Variants in SPARCL1 observed in about 807,000 individuals in gnomAD.
SPARCL1 encodes SPARC like 1, also known as SPARC-like protein 1.
Under a neutral mutation model 67.1 loss-of-function variants are expected in SPARCL1, and 52 were observed. The observed-to-expected ratio is 0.78, with a 90% confidence interval of 0.62 to 0.98. SPARCL1 has a LOEUF of 0.98. Among genes scored for constraint, SPARCL1 ranks in the 50% least tolerant of loss-of-function variants. The pLI is 0.00. For synonymous variants in SPARCL1, 226 were observed against 267.8 expected (o/e 0.84, Z 1.52); for missense variants, 717 against 782.4 (o/e 0.92, Z 1.00).
chr4:87,524,410 T>C (rs566794538), intron 1 of SPARCL1, among the ~76,000 whole-genome samples: 5 of 152,318 alleles, frequency 3.3e-5, no homozygotes, highest in Non-Finnish European at 5.9e-5. Flanking sequence ...TTGAAAAACA[T>C]AGAAGTTGAC....
chr4:87,495,097 TG>T lies in SPARCL1; in HGVS notation c.84del (p.Lys29AsnfsTer7). On this transcript the variant is annotated frameshift_variant, in exon 3 of 11. Coordinates refer to ENST00000282470, the MANE Select transcript of SPARCL1 (RefSeq NM_004684.6). LOFTEE classifies it high-confidence loss of function. ...PTNARLLSDH[S>X]KPTAETVAPD... ...GGTGCTACCGTTTCAGCAGTTGGTT[TG>T]GAATGATCAGATAATAATCTTGCAT... 1 of 1,611,118 alleles carries T rather than the reference TG, an allele frequency of 6.2e-7. No homozygotes were observed. The highest frequency in any genetic ancestry group is 2.2e-5 in the East Asian group (1 of 44,812).
chr4:87,477,743 C>G (rs1206849170), intron 10 of SPARCL1, among the ~76,000 whole-genome samples: 1 of 152,104 alleles, frequency 6.6e-6, no homozygotes, highest in Non-Finnish European at 1.5e-5. Context: ...ACCCCTTGAC[C>G]ACAACCTAAT....
At chr4:87,525,532 G>C (rs2110271182) in intron 1 of SPARCL1, among the ~76,000 whole-genome samples, 2 of 152,306 alleles carry the variant, frequency 1.3e-5, no homozygotes, top group South Asian at 4.1e-4. Context: ...AGGGTTTGCT[G>C]CAGTATGTGT....
At chr4:87,490,488 T>G in intron 6 of SPARCL1, 95 bp from the exon 7 acceptor site, 1 of 1,379,268 alleles carries the variant, frequency 7.3e-7, no homozygotes, top group South Asian at 1.4e-5. Context: ...AACAGCGCTG[T>G]GCCAAAGATG....
chr4:87,496,292 G>A (rs371460341), intron 2 of SPARCL1, among the ~76,000 whole-genome samples: 8 of 151,788 alleles, frequency 5.3e-5, no homozygotes, highest in African/African-American at 1.7e-4. Context: ...ATGAAGTCTC[G>A]GCTCACTGCA....
chr4:87,503,222 A>T (rs1234128516), intron 1 of SPARCL1, among the ~76,000 whole-genome samples: 1 of 152,006 alleles, frequency 6.6e-6, no homozygotes, highest in African/African-American at 2.4e-5. Flanking sequence ...TTCAACCAAT[A>T]CTCCAGATTT....
At chr4:87,506,338 C>T (rs1238174866) in intron 1 of SPARCL1, among the ~76,000 whole-genome samples, 1 of 152,158 alleles carries the variant, frequency 6.6e-6, no homozygotes, top group Non-Finnish European at 1.5e-5. Flanking sequence ...CTTGACTAGA[C>T]CATGGGATGC....
intron 7 of SPARCL1, among the ~76,000 whole-genome samples, chr4:87,485,668 G>A (rs1430110379): frequency 6.6e-6 from 1 of 152,080 alleles, no homozygotes; most frequent in Non-Finnish European, 1.5e-5. Flanking sequence ...ACCTCTGGTA[G>A]AATTCAGCTG....
intron 1 of SPARCL1, among the ~76,000 whole-genome samples, chr4:87,519,946 G>C (rs534872432): frequency 6.6e-6 from 1 of 152,126 alleles, no homozygotes; most frequent in African/African-American, 2.4e-5. Flanking sequence ...TATCACAAAG[G>C]TAGCAGAAAC....
chr4:87,521,380 G>A (rs574779825), intron 1 of SPARCL1, among the ~76,000 whole-genome samples: 26 of 152,148 alleles, frequency 1.7e-4, no homozygotes, highest in Non-Finnish European at 2.9e-4. Flanking sequence ...GACTGTAAAC[G>A]CAGTCATCCA....
At chr4:87,522,209 A>G (rs1317017151) in intron 1 of SPARCL1, among the ~76,000 whole-genome samples, 4 of 152,104 alleles carry the variant, frequency 2.6e-5, no homozygotes, top group Non-Finnish European at 5.9e-5. Flanking sequence ...CTGAGTCACC[A>G]TCTGACATCA....
Position 87,479,488 on chromosome 4 carries a change from G to T in SPARCL1, c.1908C>A (p.Pro636=), listed in dbSNP as rs752302174. 11 of 1,613,940 alleles carry T rather than the reference G, an allele frequency of 6.8e-6. No individual in the cohort carries two copies. The highest frequency in any genetic ancestry group is 9.3e-6 in the Non-Finnish European group (11 of 1,180,006). ...TCAGGGTGATGTGCTTATCCTTGTT[G>T]GGGTCACACTCCTCAAAGAAACGGG... ...CITRFFEECD[P]NKDKHITLKE... is the part of the protein sequence containing the mutation. The change falls in exon 10 of 11, where the codon CCC becomes CCA. Residue 636 remains proline, a synonymous_variant. Transcript: ENST00000282470.
chr4:87,490,172 A>T, intron 7 of SPARCL1, 101 bp downstream of exon 7: 2 of 1,282,316 alleles, frequency 1.6e-6, no homozygotes, highest in Non-Finnish European at 2.1e-6. Flanking sequence ...GTTCAGAACT[A>T]CATCAGCTTT....
intron 4 of SPARCL1, among the ~76,000 whole-genome samples, chr4:87,492,417 C>CAA (rs1217416962): frequency 1.1e-4 from 8 of 75,232 alleles, no homozygotes; most frequent in Non-Finnish European, 1.7e-4. Flanking sequence ...GACTCCGTCT[C>CAA]AAAAAAAAAA....
chr4:87,515,634 CA>C (rs1235251326), intron 1 of SPARCL1, among the ~76,000 whole-genome samples: 2 of 152,148 alleles, frequency 1.3e-5, no homozygotes, highest in Non-Finnish European at 2.9e-5. Flanking sequence ...ACCAAACTTT[CA>C]GGAGAACCTC....
chr4:87,529,132 A>C lies in SPARCL1; in HGVS notation c.-99T>G, dbSNP rs1726170131. 6.6e-6 allele frequency: 1 copy of C among 152,194 alleles called. No homozygotes were observed. The highest frequency in any genetic ancestry group is 1.5e-5 in the Non-Finnish European group (1 of 68,032). 9.4% of individuals were successfully genotyped at this position (152,194 alleles called of 1,614,324 possible). A position where few individuals can be genotyped will look rare whatever the true frequency, so the allele number is the denominator to read the frequency against. ...CACAGACAGGGAATAAAAGTTTGACAAACACCCAAGAAAAACTCTTTAAAT... is the reference window on the plus strand; with the variant it reads ...CACAGACAGGGAATAAAAGTTTGACCAACACCCAAGAAAAACTCTTTAAAT... On this transcript the variant is annotated 5_prime_UTR_variant, in exon 1 of 11. Coordinates refer to ENST00000282470, the MANE Select transcript of SPARCL1 (RefSeq NM_004684.6).
chr4:87,491,667 T>A lies in SPARCL1; in HGVS notation c.1242A>T (p.Ser414=), dbSNP rs141650619. The part of the protein sequence containing the change: ...HQEAKKAENS[S]NEEETSSEGN... ...CTTCACTTGACGTTTCCTCCTCATT[T>A]GATGAGTTCTCTGCTTTCTTGGCCT... Residue 414 remains serine (S), a synonymous_variant, in exon 5 of 11, where the codon TCA becomes TCT. Transcript: ENST00000282470. The A allele has an allele frequency of 4.4e-3, 7,171 of 1,613,706 alleles. 37 individuals are homozygous for A. Among genetic ancestry groups the A allele is most frequent in the South Asian group, 6.9e-3 (629 of 91,078 alleles).
chr4:87,507,475 T>C (rs1212897440), intron 1 of SPARCL1, among the ~76,000 whole-genome samples: 4 of 152,202 alleles, frequency 2.6e-5, no homozygotes, highest in Non-Finnish European at 4.4e-5. Flanking sequence ...AATTCATTCA[T>C]TGAGTACTTA....
chr4:87,499,120 C>T (rs1277404052), intron 2 of SPARCL1, among the ~76,000 whole-genome samples: 1 of 152,162 alleles, frequency 6.6e-6, no homozygotes, highest in Non-Finnish European at 1.5e-5. Flanking sequence ...AGGTGATCCG[C>T]CCATCTCAGC....
Sources: allele counts gnomAD v4.1 joint callset (sites outside exome capture counted in the v4.1 genomes callset), GRCh38; gene constraint gnomAD v4.1.1; transcripts MANE v1.5; gene names NCBI Gene and HGNC (gene_info 2026-07-23, HGNC 2026-07-21).